The following ELOVL5 variants were observed in gnomAD, a reference collection of about 807,000 sequenced individuals.
The protein encoded by ELOVL5 is ELOVL fatty acid elongase 5.
ELOVL5 carries 8 observed loss-of-function variants against 38.6 expected under a neutral mutation model. The ratio of observed to expected loss-of-function variants is 0.21; its 90% CI spans 0.12 to 0.37. The LOEUF (loss-of-function observed/expected upper bound fraction) is 0.37. ELOVL5 is among the 10% of genes least tolerant of loss of function. The pLI is 1.00. For missense variants in ELOVL5, 280 were observed against 367.8 expected, an observed-to-expected ratio of 0.76 and a Z score of 1.95; for synonymous variants, 127 against 133.7, an observed-to-expected ratio of 0.95 and a Z score of 0.34.
chr6:53,294,728 C>T (rs1766924456), intron 2 of ELOVL5, among the ~76,000 whole-genome samples: 2 of 152,130 alleles, frequency 1.3e-5, no homozygotes, highest in African/African-American at 4.8e-5. Flanking sequence ...ATGGGCCATA[C>T]ACTAATTTAC....
intron 1 of ELOVL5, among the ~76,000 whole-genome samples, chr6:53,345,330 G>C (rs1270770031): frequency 6.6e-6 from 1 of 152,134 alleles, no homozygotes; most frequent in East Asian, 1.9e-4. Flanking sequence ...GTCTCAGTTG[G>C]GTTTTCTGTT....
chr6:53,328,295 A>G (rs1441462051), intron 1 of ELOVL5, among the ~76,000 whole-genome samples: 1 of 152,204 alleles, frequency 6.6e-6, no homozygotes, highest in Non-Finnish European at 1.5e-5. Flanking sequence ...ACTATATTAG[A>G]TAGTGCAAAA....
chr6:53,268,919 A>G lies in ELOVL5; in HGVS notation c.*208T>C, dbSNP rs772532374. ...CTTTCCACAGTCTAGCGCAGGGGTC[A>G]GAGAGCCCAGAAATGTTAGAAATCT... is the stretch of plus-strand genomic sequence containing the variant. On this transcript the variant is annotated 3_prime_UTR_variant, in exon 8 of 8. Transcript: ENST00000304434. 4 of 532,046 alleles carry G rather than the reference A, an allele frequency of 7.5e-6. No homozygotes were observed. Among genetic ancestry groups the G allele is most frequent in the Non-Finnish European group, 1.3e-5 (4 of 304,696 alleles). The allele number at this position is 532,046 out of a possible 1,614,324, so 33.0% of individuals were successfully genotyped here.
intron 1 of ELOVL5, among the ~76,000 whole-genome samples, chr6:53,296,464 G>T (rs1034548126): frequency 2.0e-5 from 3 of 152,020 alleles, no homozygotes; most frequent in Non-Finnish European, 4.4e-5. Context: ...TTTGCTCTCA[G>T]TGAGAATGAA....
Position 53,268,894 on chromosome 6 carries a change from C to G in ELOVL5, c.*233G>C. On this transcript the variant is annotated 3_prime_UTR_variant, in exon 8 of 8. Coordinates refer to ENST00000304434, the MANE Select transcript of ELOVL5 (RefSeq NM_021814.5). ...GTGTTGTATACTATAATAATACTCC[C>G]TTTCCACAGTCTAGCGCAGGGGTCA... 1 of 415,448 alleles carries G rather than the reference C, an allele frequency of 2.4e-6. No homozygotes were observed. Among genetic ancestry groups the G allele is most frequent in the Non-Finnish European group, 4.3e-6 (1 of 233,006 alleles). 25.7% of individuals were successfully genotyped at this position (415,448 alleles called of 1,614,324 possible). A position where few individuals can be genotyped will look rare whatever the true frequency, so the allele number is the denominator to read the frequency against.
At chr6:53,269,973 T>C (rs1765863314) in intron 7 of ELOVL5, among the ~76,000 whole-genome samples, 1 of 152,236 alleles carries the variant, frequency 6.6e-6, no homozygotes, top group Non-Finnish European at 1.5e-5. Context: ...GCAGGCCTTA[T>C]GGCTACCAGG....
intron 1 of ELOVL5, among the ~76,000 whole-genome samples, chr6:53,331,011 CTT>C (rs1409348248): frequency 6.6e-6 from 1 of 152,030 alleles, no homozygotes; most frequent in Non-Finnish European, 1.5e-5. Context: ...TCACAATTAA[CTT>C]TATTTTTTGG....
chr6:53,332,232 C>T (rs986231596), intron 1 of ELOVL5, among the ~76,000 whole-genome samples: 2 of 152,106 alleles, frequency 1.3e-5, no homozygotes, highest in African/African-American at 4.8e-5. Flanking sequence ...TTACCAGTTC[C>T]CTACTAACTC....
chr6:53,280,604 T>C (rs1285270184), intron 3 of ELOVL5, among the ~76,000 whole-genome samples: 5 of 152,308 alleles, frequency 3.3e-5, no homozygotes, highest in Admixed American at 2.0e-4. Context: ...GTGAATCTTT[T>C]TTCTTTGAGA....
chr6:53,333,380 A>G (rs923447025), intron 1 of ELOVL5, among the ~76,000 whole-genome samples: 3 of 152,224 alleles, frequency 2.0e-5, no homozygotes, highest in Non-Finnish European at 2.9e-5. Context: ...AGACTGTCTC[A>G]TTAGAGGAAA....
At position 53,268,546 on chromosome 6, in the gene ELOVL5, GC is replaced by G. The variant is rs371438650; in HGVS notation, c.*580del. 7.7e-3 allele frequency: 1,169 copies of G among 152,724 alleles called. 6 individuals carry two copies. Among genetic ancestry groups the G allele is most frequent in the South Asian group, 0.017 (82 of 4,828 alleles). The allele number at this position is 152,724 out of a possible 1,614,324, so 9.5% of individuals were successfully genotyped here. A position where few individuals can be genotyped will look rare whatever the true frequency, so the allele number is the denominator to read the frequency against. Reference sequence around the variant, plus strand: ...AAGCCAATAGTACAAAACTGAAGGTGCCGTGTCTGATTTCACATCAACAAGT... The same window carrying G: ...AAGCCAATAGTACAAAACTGAAGGTGCGTGTCTGATTTCACATCAACAAGT... On this transcript the variant is annotated 3_prime_UTR_variant, in exon 8 of 8. Transcript: ENST00000304434.
chr6:53,330,874 T>C lies in ELOVL5; in HGVS notation c.-9+17943A>G, dbSNP rs535356720. On this transcript the variant is annotated intron_variant, in intron 1 of 7. Transcript: ENST00000304434. ...AACACACACATTAGCCTAGGCCTAC[T>C]CAGGATCTTCAATATCACTGTCTTC... Among the ~76,000 whole-genome samples, 12 of 152,264 alleles carry C rather than the reference T, an allele frequency of 7.9e-5. No individual in the cohort carries two copies. The East Asian group carries it at 1.9e-3, about 24-fold the overall frequency.
chr6:53,348,403 G>C (rs1769670671), intron 1 of ELOVL5, among the ~76,000 whole-genome samples: 1 of 151,336 alleles, frequency 6.6e-6, no homozygotes, highest in African/African-American at 2.4e-5. Context: ...CGCTCCCCCG[G>C]CTCTCCCGCC....
chr6:53,345,029 T>G (rs1404903519), intron 1 of ELOVL5, among the ~76,000 whole-genome samples: 1 of 152,218 alleles, frequency 6.6e-6, no homozygotes, highest in Non-Finnish European at 1.5e-5. Context: ...AGCAGCTAGC[T>G]GAGGAGATTT....
chr6:53,275,626 A>G (rs1766081952), intron 4 of ELOVL5, among the ~76,000 whole-genome samples: 1 of 151,882 alleles, frequency 6.6e-6, no homozygotes, highest in Non-Finnish European at 1.5e-5. Context: ...AAACCATCTG[A>G]AAAACGCTAT....
chr6:53,337,574 A>G (rs1166877202), intron 1 of ELOVL5, among the ~76,000 whole-genome samples: 3 of 152,344 alleles, frequency 2.0e-5, no homozygotes, highest in Admixed American at 1.3e-4. Flanking sequence ...ACTCAGCTTC[A>G]CACAGCCATT....
At chr6:53,301,617 G>A (rs1767253833) in intron 1 of ELOVL5, among the ~76,000 whole-genome samples, 1 of 151,992 alleles carries the variant, frequency 6.6e-6, no homozygotes, top group South Asian at 2.1e-4. Context: ...GTAGTAACAG[G>A]GCCCAGTGAA....
In ELOVL5 at chr6:53,278,403, G is replaced by A. The variant is rs544844632; in HGVS notation, c.247-2147C>T. 9.2e-5 allele frequency among the ~76,000 whole-genome samples: 14 copies of A among 152,204 alleles called. No homozygotes were observed. In the South Asian group the frequency reaches 1.0e-3, roughly 11 times the overall value. On this transcript the variant is annotated intron_variant, in intron 3 of 7. Coordinates refer to ENST00000304434, the MANE Select transcript of ELOVL5 (RefSeq NM_021814.5). ...GCGCCTCAATCCCAAAGATGAGAAC[G>A]GGTTGAAGGGGTCTTGTTAACTCAG...
chr6:53,326,993 G>A (rs1333539423), intron 1 of ELOVL5, among the ~76,000 whole-genome samples: 1 of 152,144 alleles, frequency 6.6e-6, no homozygotes, highest in African/African-American at 2.4e-5. Flanking sequence ...TATGGGTGAC[G>A]CTGACCTACA....
Sources: gnomAD v4.1 joint callset for allele counts (sites outside exome capture counted in the v4.1 genomes callset) on GRCh38, gnomAD v4.1.1 for gene constraint, MANE v1.5 for transcripts, NCBI Gene and HGNC (gene_info 2026-07-23, HGNC 2026-07-21) for gene names.